The following FRK variants were observed in gnomAD, a reference collection of about 807,000 sequenced individuals.
FRK encodes the protein fyn related Src family tyrosine kinase.
Under a neutral mutation model 56.4 loss-of-function variants are expected in FRK, and 51 were observed. The observed-to-expected ratio is 0.90, with a 90% CI of 0.72 to 1.14. The LOEUF (loss-of-function observed/expected upper bound fraction) is 1.14. Among genes scored for constraint, FRK ranks in the 50% most tolerant of loss-of-function variants. The pLI, the probability that FRK is intolerant of heterozygous loss-of-function variation, is 0.00. For missense variants in FRK, 570 were observed against 601.4 expected (o/e 0.95, Z 0.55); for synonymous variants, 245 against 217.9 (o/e 1.12, Z -1.10).
intron 5 of FRK, 96 bp from the exon 6 acceptor site, chr6:115,944,521 GA>G: frequency 1.1e-6 from 1 of 884,788 alleles, no homozygotes; most frequent in Non-Finnish European, 1.7e-6. Flanking sequence ...CTATCAGTGA[GA>G]TTAAGTACAA....
intron 1 of FRK, among the ~76,000 whole-genome samples, chr6:116,049,491 T>A (rs536277475): frequency 1.3e-5 from 2 of 152,322 alleles, no homozygotes; most frequent in Admixed American, 6.5e-5. Context: ...ACAAAGAGTC[T>A]TGCATAGTTT....
upstream of FRK, among the ~76,000 whole-genome samples, chr6:116,064,898 T>C (rs1777731203): frequency 6.6e-6 from 1 of 152,206 alleles, no homozygotes. Context: ...CAGACTGGTT[T>C]ATTAGATCTC....
the FRK span, among the ~76,000 whole-genome samples, chr6:116,089,210 T>C: frequency 6.6e-6 from 1 of 152,190 alleles, no homozygotes; most frequent in African/African-American, 2.4e-5. Context: ...ATGCTTCCAT[T>C]ATATCTTTGT....
intron 2 of FRK, among the ~76,000 whole-genome samples, chr6:115,969,555 C>T (rs1349134348): frequency 3.3e-5 from 5 of 152,140 alleles, no homozygotes; most frequent in African/African-American, 1.2e-4. Flanking sequence ...GCGTGTGGTC[C>T]AGAGGGACCT....
intron 1 of FRK, among the ~76,000 whole-genome samples, chr6:116,057,004 A>G (rs1018269986): frequency 1.3e-5 from 2 of 152,272 alleles, no homozygotes; most frequent in African/African-American, 4.8e-5. Flanking sequence ...AAACAAACAA[A>G]CTGCAAACTA....
Position 115,986,027 on chromosome 6 carries a change from C to T in FRK, c.467-17288G>A, listed in dbSNP as rs117430957. ...ACAGTTATTTGAGGCTATTTTTATA[C>T]CATTAATATGTGTACAAATTTATGT... On this transcript the variant is annotated intron_variant, in intron 2 of 7. Transcript: ENST00000606080. 4.7e-3 allele frequency among the ~76,000 whole-genome samples: 711 copies of T among 151,056 alleles called. 19 individuals carry two copies. In the South Asian group the frequency reaches 0.07, roughly 15 times the overall value.
intron 2 of FRK, among the ~76,000 whole-genome samples, chr6:115,994,109 T>C (rs1004642647): frequency 3.9e-5 from 6 of 151,964 alleles, no homozygotes; most frequent in African/African-American, 1.2e-4. Flanking sequence ...ATATTCAGGG[T>C]TGAAAAAGTT....
chr6:116,033,984 G>T (rs968374928), intron 1 of FRK, among the ~76,000 whole-genome samples: 3 of 152,098 alleles, frequency 2.0e-5, no homozygotes, highest in Non-Finnish European at 2.9e-5. Flanking sequence ...TGGAAATGAG[G>T]TATGAAAAGA....
intron 2 of FRK, among the ~76,000 whole-genome samples, chr6:115,977,717 T>C (rs1171820182): frequency 2.0e-5 from 3 of 152,128 alleles, no homozygotes; most frequent in Admixed American, 1.3e-4. Context: ...CCATATGGCA[T>C]AGCATAGAAA....
rs56264603 is a variant in FRK, at chr6:115,967,635, G to A, written c.715C>T (p.Arg239Ter). The change falls in exon 4 of 8, where the codon CGA (arginine) becomes TGA (stop). Residue 239 changes from arginine (R) to a stop codon, truncating the protein, a stop_gained. Transcript: ENST00000606080. LOFTEE classifies it high-confidence loss of function. ...TCGCCAAACTGACCAGATCCCAATC[G>A]CTTCAGAAGCTGTATGGAGTTGCGG... ...IDRNSIQLLK[R>*]LGSGQFGEVW... 3.7e-6 allele frequency: 6 copies of A among 1,613,264 alleles called. No individual in the cohort carries two copies. Among genetic ancestry groups the A allele is most frequent in the South Asian group, 2.2e-5 (2 of 91,048 alleles).
In FRK at chr6:116,060,252, G is replaced by T. The variant is rs1468709483; in HGVS notation, c.60C>A (p.Ser20=). The T allele has an allele frequency of 6.2e-7, 1 of 1,614,126 alleles. No individual in the cohort carries two copies. Among genetic ancestry groups the T allele is most frequent in the Non-Finnish European group, 8.5e-7 (1 of 1,180,032 alleles). Residue 20 remains serine (S), a synonymous_variant, in exon 1 of 8, where the codon TCC becomes TCA. Coordinates refer to ENST00000606080, the MANE Select transcript of FRK (RefSeq NM_002031.3). The part of the protein sequence containing the change: ...EYLEPYLPCL[S]TEADKSTVIE... ...TCACGGTTGACTTGTCTGCCTCCGT[G>T]GACAAACAGGGGAGATAGGGTTCTA...
At chr6:115,959,357 A>C (rs1773232681) in intron 4 of FRK, among the ~76,000 whole-genome samples, 1 of 152,028 alleles carries the variant, frequency 6.6e-6, no homozygotes, top group Non-Finnish European at 1.5e-5. Flanking sequence ...TTGTCTTTTG[A>C]CTTCCCAAAG....
At chr6:116,083,459 G>A in the FRK span, among the ~76,000 whole-genome samples, 1 of 152,224 alleles carries the variant, frequency 6.6e-6, no homozygotes, top group Non-Finnish European at 1.5e-5. Flanking sequence ...ATCATCAGAG[G>A]AGGGGGGAAG....
chr6:116,065,233 G>T (rs556617815), upstream of FRK, among the ~76,000 whole-genome samples: 2 of 152,270 alleles, frequency 1.3e-5, no homozygotes, highest in East Asian at 3.9e-4. Context: ...ATACCAGGAC[G>T]AATTAATGAT....
At chr6:116,036,465 T>C (rs964983998) in intron 1 of FRK, among the ~76,000 whole-genome samples, 3 of 152,136 alleles carry the variant, frequency 2.0e-5, no homozygotes, top group Non-Finnish European at 4.4e-5. Flanking sequence ...ACAGAAAACA[T>C]GAGTTTGAAA....
intron 1 of FRK, among the ~76,000 whole-genome samples, chr6:116,014,720 C>T (rs1775586284): frequency 6.6e-6 from 1 of 152,104 alleles, no homozygotes; most frequent in African/African-American, 2.4e-5. Flanking sequence ...GTTTTAAGCC[C>T]TGAGCTCACC....
Position 115,939,509 on chromosome 6 carries a change from G to A in FRK, c.*2905C>T, listed in dbSNP as rs1280368241. 1 of 152,122 alleles carries A rather than the reference G, an allele frequency of 6.6e-6. No homozygotes were observed. The highest frequency in any genetic ancestry group is 1.5e-5 in the Non-Finnish European group (1 of 68,030). The allele number at this position is 152,122 out of a possible 1,614,324, so 9.4% of individuals were successfully genotyped here. ...CAATCAGGCAAGAGAAAGAAATAAA[G>A]GGTATTCAAATAGGAAAACAGGAAG... On this transcript the variant is annotated 3_prime_UTR_variant, in exon 8 of 8. Coordinates refer to ENST00000606080, the MANE Select transcript of FRK (RefSeq NM_002031.3).
At chr6:116,043,097 G>A (rs574534473) in intron 1 of FRK, among the ~76,000 whole-genome samples, 1 of 152,316 alleles carries the variant, frequency 6.6e-6, no homozygotes, top group East Asian at 1.9e-4. Context: ...CAAGTTCTTA[G>A]AGACCTACAA....
intron 1 of FRK, 110 bp downstream of exon 1, chr6:116,059,858 C>G: frequency 1.1e-6 from 1 of 945,414 alleles, no homozygotes. Flanking sequence ...CTTCCTCATA[C>G]TTTTTAGGCA....
Sources: gnomAD v4.1 joint callset for allele counts (sites outside exome capture counted in the v4.1 genomes callset) on GRCh38, gnomAD v4.1.1 for gene constraint, MANE v1.5 for transcripts, NCBI Gene and HGNC (gene_info 2026-07-23, HGNC 2026-07-21) for gene names.